WDR33: variants seen among roughly 807,000 people sequenced by gnomAD.
The protein encoded by WDR33 is pre-mRNA 3' end processing protein WDR33.
In WDR33, 47 loss-of-function variants were observed where a neutral mutation model predicts 164.9. The ratio of observed to expected loss-of-function variants is 0.29; its 90% CI spans 0.23 to 0.36. WDR33 has a LOEUF of 0.36. Among genes scored for constraint, WDR33 ranks in the 10% least tolerant of loss-of-function variants. WDR33 has a pLI of 1.00. For missense variants in WDR33, 1,137 were observed against 1,754.1 expected, an observed-to-expected ratio of 0.65 and a Z score of 6.28; for synonymous variants, 505 against 589.0, an observed-to-expected ratio of 0.86 and a Z score of 2.06.
chr2:127,726,922 T>G lies in WDR33; in HGVS notation c.725-145A>C. The G allele has an allele frequency of 1.9e-6, 2 of 1,047,044 alleles. No homozygotes were observed. The highest frequency in any genetic ancestry group is 2.7e-6 in the Non-Finnish European group (2 of 735,136). 64.9% of individuals were successfully genotyped at this position (1,047,044 alleles called of 1,614,324 possible). A position where few individuals can be genotyped will look rare whatever the true frequency, so the allele number is the denominator to read the frequency against. On this transcript the variant is annotated intron_variant, in intron 7 of 21. Transcript: ENST00000322313. The surrounding 1 kb of genome is among the most constrained non-coding windows in gnomAD (Gnocchi z 4.8). ...TTTTGTGAAGACTCTTTGGCCTCTG[T>G]GTGTCTGGAAATTTTTCAGATACAG... is the stretch of plus-strand genomic sequence containing the variant.
intron 1 of WDR33, among the ~76,000 whole-genome samples, chr2:127,786,411 G>A (rs904547493): frequency 1.3e-4 from 20 of 152,270 alleles, no homozygotes; most frequent in Admixed American, 7.8e-4. Flanking sequence ...GGCAGGACAC[G>A]GTGGCTCACG....
Position 127,770,295 on chromosome 2 carries a change from G to C in WDR33, c.204+483C>G, listed in dbSNP as rs972191710. ...TTTTATAAAGTATTAGTGGTTTGAG[G>C]TTCTTCCTAAATTAGCCAATTTGAA... On this transcript the variant is annotated intron_variant, in intron 2 of 21. Coordinates refer to ENST00000322313, the MANE Select transcript of WDR33 (RefSeq NM_018383.5). The surrounding 1 kb of genome is among the most constrained non-coding windows in gnomAD (Gnocchi z 4.9). Among the ~76,000 whole-genome samples the C allele has an allele frequency of 1.3e-5, 2 of 152,150 alleles. No individual in the cohort carries two copies. Among genetic ancestry groups the C allele is most frequent in the East Asian group, 3.8e-4 (2 of 5,200 alleles).
chr2:127,789,660 C>T (rs1688775011), intron 1 of WDR33, among the ~76,000 whole-genome samples: 1 of 151,838 alleles, frequency 6.6e-6, no homozygotes, highest in Non-Finnish European at 1.5e-5. Flanking sequence ...AGCTTCGGCT[C>T]CGCATCTTCC....
chr2:127,801,618 G>A (rs1454654442), intron 1 of WDR33, among the ~76,000 whole-genome samples: 1 of 151,968 alleles, frequency 6.6e-6, no homozygotes, highest in African/African-American at 2.4e-5. Flanking sequence ...AGGTGCAGTG[G>A]TTCATGCCTA....
At chr2:127,787,897 A>C (rs1089170) in intron 1 of WDR33, among the ~76,000 whole-genome samples, 4 of 19,256 alleles carry the variant, frequency 2.1e-4, no homozygotes, top group Admixed American at 4.8e-4. Context: ...GGGGGCTGAC[A>C]CCCCCACCTC....
In WDR33 at chr2:127,723,137, T is replaced by C. The variant is rs141096163; in HGVS notation, c.1292-93A>G. ...TTATAAAAATGAATGTCACTGATGA[T>C]TTATAAATAAATCTACTATAAAATT... On this transcript the variant is annotated intron_variant, in intron 12 of 21. Transcript: ENST00000322313. This position sits in a 1 kb window ranked among gnomAD's most constrained non-coding sequence, Gnocchi z 5.9. 365 of 1,423,808 alleles carry C rather than the reference T, an allele frequency of 2.6e-4. No individual in the cohort carries two copies. In the African/African-American group the frequency reaches 4.7e-3, roughly 18 times the overall value. The allele number at this position is 1,423,808 out of a possible 1,614,324, so 88.2% of individuals were successfully genotyped here. A position where few individuals can be genotyped will look rare whatever the true frequency, so the allele number is the denominator to read the frequency against.
rs762080813 is a variant in WDR33 at position 127,709,807 on chromosome 2, C to T, written c.3358G>A (p.Gly1120Arg). ...TCAGGACCAGGAAAACCATCCCTTCCTCTGGGGGGAGCACGGCCCTCATGC... is the reference window on the plus strand; with the variant it reads ...TCAGGACCAGGAAAACCATCCCTTCTTCTGGGGGGAGCACGGCCCTCATGC... Reference protein sequence around the residue: ...PRHEGRAPPRGRDGFPGPEDF... With the variant: ...PRHEGRAPPRRRDGFPGPEDF... The change falls in exon 19 of 22, where the codon GGA becomes AGA. Residue 1120 changes from glycine to arginine, a missense_variant. Transcript: ENST00000322313. This position sits in a 1 kb window ranked among gnomAD's most constrained non-coding sequence, Gnocchi z 5.0. The T allele has an allele frequency of 6.2e-7, 1 of 1,614,210 alleles. No homozygotes were observed. Among genetic ancestry groups the T allele is most frequent in the South Asian group, 1.1e-5 (1 of 91,086 alleles).
At chr2:127,727,890 A>C (rs1686608988) in intron 7 of WDR33, among the ~76,000 whole-genome samples, 1 of 152,202 alleles carries the variant, frequency 6.6e-6, no homozygotes, top group African/African-American at 2.4e-5. Flanking sequence ...AGGGAAGTGA[A>C]GTGGGAAAGA....
chr2:127,777,299 T>C (rs1374223975), intron 1 of WDR33, among the ~76,000 whole-genome samples: 2 of 152,228 alleles, frequency 1.3e-5, no homozygotes, highest in Admixed American at 1.3e-4. Context: ...TCTGATTCAC[T>C]AAATATCACT....
At chr2:127,793,649 T>G (rs1164921331) in intron 1 of WDR33, among the ~76,000 whole-genome samples, 2 of 151,878 alleles carry the variant, frequency 1.3e-5, no homozygotes, top group Admixed American at 6.6e-5. Flanking sequence ...GCTGAGGAAG[T>G]AGAATCACCT....
Position 127,708,170 on chromosome 2 carries a change from A to G in WDR33, c.3781+507T>C, listed in dbSNP as rs1686064043. ...GGCTAAAGTTAGTGCTGCCTATAAC[A>G]TAAAGCTCCACAGTTCCCAGTTGAG... On this transcript the variant is annotated intron_variant, in intron 21 of 21. Coordinates refer to ENST00000322313, the MANE Select transcript of WDR33 (RefSeq NM_018383.5). This position sits in a 1 kb window ranked among gnomAD's most constrained non-coding sequence, Gnocchi z 6.7. Among the ~76,000 whole-genome samples, 1 of 152,186 alleles carries G rather than the reference A, an allele frequency of 6.6e-6. No homozygotes were observed. The highest frequency in any genetic ancestry group is 2.4e-5 in the African/African-American group (1 of 41,434).
At position 127,765,277 on chromosome 2, in the gene WDR33, A is replaced by AG. The variant is rs759631705; in HGVS notation, c.379-9dup. ...TCTTCCTTCTGGAGTCCACTAAGGG[A>AG]GAAAAAAAGACAGGTTATACATCCT... On this transcript the variant is annotated splice_polypyrimidine_tract_variant and intron_variant, in intron 4 of 21. Coordinates refer to ENST00000322313, the MANE Select transcript of WDR33 (RefSeq NM_018383.5). The AG allele has an allele frequency of 6.2e-7, 1 of 1,609,546 alleles. No homozygotes were observed. The highest frequency in any genetic ancestry group is 1.3e-5 in the African/African-American group (1 of 74,784).
intron 1 of WDR33, among the ~76,000 whole-genome samples, chr2:127,794,413 T>A (rs547450413): frequency 6.7e-6 from 1 of 149,948 alleles, no homozygotes; most frequent in South Asian, 2.1e-4. Context: ...GGCAGGAGAA[T>A]CACTTGAACT....
intron 7 of WDR33, among the ~76,000 whole-genome samples, chr2:127,757,390 T>C (rs1687550418): frequency 6.6e-6 from 1 of 152,198 alleles, no homozygotes; most frequent in South Asian, 2.1e-4. Flanking sequence ...AGATGTTAAA[T>C]ATCAAGTCTT....
intron 7 of WDR33, among the ~76,000 whole-genome samples, chr2:127,740,087 G>A (rs1432267059): frequency 1.3e-5 from 2 of 152,052 alleles, no homozygotes; most frequent in African/African-American, 4.8e-5. Flanking sequence ...TTTAAGTCCT[G>A]AGTACTTAAG....
In WDR33 at chr2:127,702,118, G is replaced by A. The variant is rs1685907317; in HGVS notation, c.*4205C>T. 3 of 1,218,952 alleles carry A rather than the reference G, an allele frequency of 2.5e-6. No individual in the cohort carries two copies. Among genetic ancestry groups the A allele is most frequent in the Admixed American group, 4.4e-5 (1 of 22,928 alleles). 75.5% of individuals were successfully genotyped at this position (1,218,952 alleles called of 1,614,324 possible). Reference sequence around the variant, plus strand: ...CCCTGGGGCGGCGGCACCGCGCTGCGCCTCGCACTGGGTCGCCTGGGCCGC... The same window carrying A: ...CCCTGGGGCGGCGGCACCGCGCTGCACCTCGCACTGGGTCGCCTGGGCCGC... On this transcript the variant is annotated 3_prime_UTR_variant, in exon 22 of 22. Transcript: ENST00000322313.
intron 1 of WDR33, among the ~76,000 whole-genome samples, chr2:127,799,368 TAA>T (rs1689154553): frequency 6.6e-6 from 1 of 151,762 alleles, no homozygotes; most frequent in Non-Finnish European, 1.5e-5. Flanking sequence ...ACAAAAAGGG[TAA>T]AAATTTCTGC....
At chr2:127,711,768 A>ATCTTTTTTTTTTT (rs1441301170) in intron 18 of WDR33, among the ~76,000 whole-genome samples, 1 of 70,268 alleles carries the variant, frequency 1.4e-5, no homozygotes, top group Non-Finnish European at 2.4e-5. Context: ...ATATATATAT[A>ATCTTTTTTTTTTT]TATATATATA....
intron 7 of WDR33, among the ~76,000 whole-genome samples, chr2:127,759,640 A>T (rs530379465): frequency 1.3e-5 from 2 of 152,178 alleles, no homozygotes; most frequent in Non-Finnish European, 2.9e-5. Flanking sequence ...GCAGTGAGCC[A>T]AGATCACACC....
Sources: gnomAD v4.1 joint callset for allele counts (sites outside exome capture counted in the v4.1 genomes callset) on GRCh38, gnomAD v4.1.1 for gene constraint, Gnocchi (gnomAD v3.1) non-coding constraint, MANE v1.5 for transcripts, NCBI Gene and HGNC (gene_info 2026-07-23, HGNC 2026-07-21) for gene names.